PTPN21: variants seen among roughly 807,000 people sequenced by gnomAD.
PTPN21 encodes the protein protein tyrosine phosphatase non-receptor type 21.
A neutral mutation model predicts 131.8 loss-of-function variants in PTPN21; 77 were observed. The ratio of observed to expected loss-of-function variants is 0.58; its 90% CI spans 0.49 to 0.71. PTPN21 has a LOEUF of 0.71. Ranked by LOEUF, PTPN21 falls within the 30% of genes least tolerant of loss-of-function variation. PTPN21 has a pLI of 0.00. For synonymous variants in PTPN21, 715 were observed against 621.3 expected (o/e 1.15, Z -2.24); for missense variants, 1,552 against 1,527.1 (o/e 1.02, Z -0.27).
intron 2 of PTPN21, chr14:88,547,402 A>G (rs756374322): frequency 1.1e-5 from 2 of 185,646 alleles, no homozygotes; most frequent in African/African-American, 4.8e-5. Context: ...AATCCCACCT[A>G]CTCACAAAGT....
Position 88,504,457 on chromosome 14 carries a change from G to A in PTPN21, c.555C>T (p.Thr185=), listed in dbSNP as rs963054507. ...LQDEKVLEEA[T]QKVALLHQKY... ...TCTGATGTAGTAAGGCCACTTTTTG[G>A]GTTGCTTCTTCCAATACTTTTTCAT... Residue 185 remains threonine, a synonymous_variant, in exon 6 of 19, where the codon ACC becomes ACT. Transcript: ENST00000556564. 3.1e-6 allele frequency: 5 copies of A among 1,612,212 alleles called. No individual in the cohort carries two copies. In the African/African-American group the frequency reaches 5.4e-5, roughly 17 times the overall value.
rs2077722703 is a variant in PTPN21 at position 88,485,797 on chromosome 14, A to C, written c.978T>G (p.Ser326=). The C allele has an allele frequency of 1.2e-6, 2 of 1,607,992 alleles. No individual in the cohort carries two copies. The highest frequency in any genetic ancestry group is 1.7e-6 in the Non-Finnish European group (2 of 1,174,888). Residue 326 remains serine, a synonymous_variant, in exon 11 of 19, where the codon TCT becomes TCG. Coordinates refer to ENST00000556564, the MANE Select transcript of PTPN21 (RefSeq NM_007039.4). ...VTVNPIRRRS[S]SRMSLPKPQP... ...TGTTTCTTACCAGAGACATCCTTGA[A>C]GAAGACCTCCTCCTGATTGGGTTCA...
chr14:88,497,099 T>C, intron 9 of PTPN21, 104 bp downstream of exon 9: 1 of 964,276 alleles, frequency 1.0e-6, no homozygotes, highest in Non-Finnish European at 1.6e-6. Flanking sequence ...CAAAATATTA[T>C]CATTTTAATG....
chr14:88,537,136 A>G (rs1234523164), intron 2 of PTPN21, among the ~76,000 whole-genome samples: 5 of 152,220 alleles, frequency 3.3e-5, no homozygotes, highest in African/African-American at 1.2e-4. Context: ...AACTAAATGA[A>G]GACTCAAGAA....
chr14:88,500,162 C>T (rs954305570), intron 8 of PTPN21, among the ~76,000 whole-genome samples: 4 of 152,138 alleles, frequency 2.6e-5, no homozygotes, highest in Admixed American at 1.3e-4. Context: ...TCAGGCTGGG[C>T]ACAGTGGGCT....
intron 3 of PTPN21, among the ~76,000 whole-genome samples, chr14:88,510,271 G>A (rs2078157906): frequency 6.6e-6 from 1 of 152,158 alleles, no homozygotes; most frequent in South Asian, 2.1e-4. Flanking sequence ...GCTTCTTTGT[G>A]TTACATAATG....
intron 10 of PTPN21, among the ~76,000 whole-genome samples, chr14:88,494,291 G>A (rs1200077349): frequency 1.3e-5 from 2 of 152,084 alleles, no homozygotes; most frequent in African/African-American, 2.4e-5. Context: ...CACTGTGGCT[G>A]GAACAGAGCA....
In PTPN21 at chr14:88,479,373, C is replaced by T. The variant is rs773909157; in HGVS notation, c.2058G>A (p.Gly686=). The T allele has an allele frequency of 5.6e-6, 9 of 1,610,990 alleles. No individual in the cohort carries two copies. Among genetic ancestry groups the T allele is most frequent in the South Asian group, 3.3e-5 (3 of 91,072 alleles). ...ACCTCAAGCCCTCCGCCTCCTCCGG[C>T]CCTTCTCGCTGTGTCCTCTCGGTGA... ...SVFTERTQRE[G]PEEAEGLRYG... Residue 686 remains glycine (G), a synonymous_variant, in exon 13 of 19, where the codon GGG becomes GGA. Transcript: ENST00000556564.
At chr14:88,508,150 GTTTT>G (rs34305703) in intron 3 of PTPN21, 130 bp from the exon 4 acceptor site, 109 of 398,566 alleles carry the variant, frequency 2.7e-4, no homozygotes, top group African/African-American at 4.5e-4. Context: ...GGTTGTGTGT[GTTTT>G]TTTTTTTTTT....
At chr14:88,500,648 C>G in intron 8 of PTPN21, 135 bp downstream of exon 8, 1 of 636,038 alleles carries the variant, frequency 1.6e-6, no homozygotes. Context: ...TATTTTTTTC[C>G]TAGGAAGGGA....
Position 88,480,218 on chromosome 14 carries a change from T to G in PTPN21, c.1213A>C (p.Asn405His), listed in dbSNP as rs1003733527. The change falls in exon 13 of 19, where the codon AAT (asparagine) becomes CAT (histidine). Residue 405 changes from asparagine (N) to histidine (H), a missense_variant. Transcript: ENST00000556564. ...YSAHSTNSLN[N>H]PQPYLQPSPM... The stretch of plus-strand genomic sequence containing the variant: ...GAGGGCTGCAAGTAGGGCTGAGGAT[T>G]ATTTAAGGAGTTGGTGCTGTGTGCA... The G allele has an allele frequency of 3.7e-6, 6 of 1,614,030 alleles. No homozygotes were observed. In the Admixed American group the frequency reaches 8.3e-5, roughly 22 times the overall value.
intron 6 of PTPN21, among the ~76,000 whole-genome samples, chr14:88,503,121 C>T (rs1410792098): frequency 1.3e-5 from 2 of 151,802 alleles, no homozygotes; most frequent in African/African-American, 4.8e-5. Flanking sequence ...CTGCAACCTC[C>T]ACCTCCCAGG....
At chr14:88,514,700 G>C (rs777366119) in intron 3 of PTPN21, among the ~76,000 whole-genome samples, 1 of 151,806 alleles carries the variant, frequency 6.6e-6, no homozygotes, top group Non-Finnish European at 1.5e-5. Context: ...CCGACCTTAG[G>C]TGATCTGGCC....
intron 3 of PTPN21, among the ~76,000 whole-genome samples, 187 bp from the exon 4 acceptor site, chr14:88,508,207 G>A (rs2078126180): frequency 6.6e-6 from 1 of 150,618 alleles, no homozygotes; most frequent in African/African-American, 2.4e-5. Context: ...CGAGTGCAGT[G>A]GCATGATTAC....
intron 3 of PTPN21, among the ~76,000 whole-genome samples, chr14:88,515,656 T>C (rs962775876): frequency 6.6e-6 from 1 of 152,240 alleles, no homozygotes; most frequent in Non-Finnish European, 1.5e-5. Flanking sequence ...TCAGTCTCTC[T>C]ACCTTTCCTG....
intron 4 of PTPN21, 57 bp from the exon 5 acceptor site, chr14:88,505,428 G>T: frequency 7.8e-7 from 1 of 1,274,776 alleles, no homozygotes; most frequent in Non-Finnish European, 1.1e-6. Context: ...TGCAAAATAT[G>T]CACAACAAAA....
chr14:88,508,150 G>T (rs375872467), intron 3 of PTPN21, 130 bp from the exon 4 acceptor site: 479 of 398,492 alleles, frequency 1.2e-3, no homozygotes, highest in Middle Eastern at 2.3e-3. Context: ...GGTTGTGTGT[G>T]TTTTTTTTTT....
intron 4 of PTPN21, 135 bp downstream of exon 4, chr14:88,507,788 A>G (rs1408335916): frequency 4.2e-6 from 1 of 236,114 alleles, no homozygotes. Context: ...AGCCCCTTAG[A>G]TAACAGAATA....
At chr14:88,540,249 T>C (rs2078687545) in intron 2 of PTPN21, among the ~76,000 whole-genome samples, 1 of 152,198 alleles carries the variant, frequency 6.6e-6, no homozygotes, top group African/African-American at 2.4e-5. Flanking sequence ...GAGTGTCCTA[T>C]GGATGCTATT....
Sources: gnomAD v4.1 joint callset for allele counts (sites outside exome capture counted in the v4.1 genomes callset) on GRCh38, gnomAD v4.1.1 for gene constraint, MANE v1.5 for transcripts, NCBI Gene and HGNC (gene_info 2026-07-23, HGNC 2026-07-21) for gene names.